SYNPR: variants seen among roughly 807,000 people sequenced by gnomAD.
SYNPR encodes synaptoporin.
In SYNPR, 23 loss-of-function variants were observed where a neutral mutation model predicts 32.9. The ratio of observed to expected loss-of-function variants is 0.70; its 90% CI spans 0.50 to 0.99. The LOEUF (loss-of-function observed/expected upper bound fraction) is 0.99. SYNPR is among the 50% of genes least tolerant of loss of function. The probability of loss-of-function intolerance (pLI) is 0.00; values close to 1 mark genes in which losing one functional copy is unlikely to be tolerated. For synonymous variants in SYNPR, 146 were observed against 135.9 expected (o/e 1.07, Z -0.52); for missense variants, 318 against 349.3 (o/e 0.91, Z 0.71).
intron 3 of SYNPR, among the ~76,000 whole-genome samples, chr3:63,547,175 C>T (rs1001461344): frequency 4.6e-5 from 7 of 152,016 alleles, no homozygotes; most frequent in Non-Finnish European, 1.0e-4. Flanking sequence ...GACCCTTTTT[C>T]TCAATAAAGA....
chr3:63,407,810 AC>A (rs1330236785), intron 2 of SYNPR, among the ~76,000 whole-genome samples: 1 of 152,000 alleles, frequency 6.6e-6, no homozygotes, highest in African/African-American at 2.4e-5. Context: ...CTGTTTTCCC[AC>A]CCAAGTACAG....
chr3:63,539,707 C>T (rs987450804), intron 3 of SYNPR, among the ~76,000 whole-genome samples: 2 of 152,064 alleles, frequency 1.3e-5, no homozygotes, highest in East Asian at 3.9e-4. Flanking sequence ...TTTCAGAAAG[C>T]ACAAGAAAGA....
At chr3:63,573,046 T>C (rs1200685657) in intron 4 of SYNPR, among the ~76,000 whole-genome samples, 1 of 151,944 alleles carries the variant, frequency 6.6e-6, no homozygotes, top group African/African-American at 2.4e-5. Context: ...CCTCAGGGAG[T>C]CAGCAAAGAA....
chr3:63,505,702 T>C (rs1044338424), intron 3 of SYNPR, among the ~76,000 whole-genome samples: 8 of 152,214 alleles, frequency 5.3e-5, no homozygotes, highest in Non-Finnish European at 8.8e-5. Flanking sequence ...ATATACAAGA[T>C]AAATATTTTA....
At chr3:63,425,852 G>A (rs1559496119) in intron 2 of SYNPR, among the ~76,000 whole-genome samples, 3 of 149,860 alleles carry the variant, frequency 2.0e-5, no homozygotes, top group South Asian at 2.1e-4. Context: ...GCACAATCTC[G>A]GCTCACTGCA....
intron 2 of SYNPR, among the ~76,000 whole-genome samples, chr3:63,254,110 T>C (rs2086361858): frequency 6.6e-6 from 1 of 152,108 alleles, no homozygotes; most frequent in East Asian, 1.9e-4. Flanking sequence ...TAGGTGGGAA[T>C]TGAACAATGA....
At chr3:63,220,047 C>G in the SYNPR span, among the ~76,000 whole-genome samples, 1 of 152,208 alleles carries the variant, frequency 6.6e-6, no homozygotes. Flanking sequence ...TTCAACATAG[C>G]ACTTTGTCCA....
intron 4 of SYNPR, among the ~76,000 whole-genome samples, chr3:63,597,367 G>C (rs1473370983): frequency 1.3e-5 from 2 of 152,142 alleles, no homozygotes; most frequent in Non-Finnish European, 2.9e-5. Flanking sequence ...AATAAACAGT[G>C]CTGTATTCTA....
exon 3 of SYNPR, chr3:63,267,323 C>T (rs932911986): frequency 6.6e-6 from 1 of 152,236 alleles, no homozygotes; most frequent in East Asian, 1.9e-4. Context: ...TTAGGTTCTG[C>T]CTTAAAGGGC....
chr3:63,207,483 T>C, the SYNPR span, among the ~76,000 whole-genome samples: 10,037 of 152,286 alleles, frequency 0.066, 398 homozygotes, highest in Middle Eastern at 0.085. Context: ...ACTAACATGA[T>C]TGAACAATTT....
chr3:63,429,298 T>C (rs528683402), intron 2 of SYNPR, among the ~76,000 whole-genome samples: 2 of 152,188 alleles, frequency 1.3e-5, no homozygotes, highest in Non-Finnish European at 2.9e-5. Context: ...GTAGAGCATG[T>C]AGGTGGGTAA....
chr3:63,268,094 A>G (rs2086505696), intron 3 of SYNPR, among the ~76,000 whole-genome samples: 1 of 152,248 alleles, frequency 6.6e-6, no homozygotes, highest in South Asian at 2.1e-4. Flanking sequence ...CAAAATGAGC[A>G]CAGAATTTAA....
intron 4 of SYNPR, among the ~76,000 whole-genome samples, chr3:63,592,413 A>G (rs1575727509): frequency 6.6e-6 from 1 of 152,104 alleles, no homozygotes; most frequent in Non-Finnish European, 1.5e-5. Flanking sequence ...ATCAAACCCA[A>G]TTGCAAAATG....
chr3:63,226,230 G>C (rs192222539), upstream of SYNPR, among the ~76,000 whole-genome samples: 110 of 152,188 alleles, frequency 7.2e-4, no homozygotes, highest in Middle Eastern at 0.014. Context: ...GGAAAAAAGG[G>C]AACTCTTATA....
At chr3:63,540,535 A>G (rs1050766440) in intron 3 of SYNPR, among the ~76,000 whole-genome samples, 11 of 152,062 alleles carry the variant, frequency 7.2e-5, no homozygotes, top group African/African-American at 2.7e-4. Flanking sequence ...GACATGCAGA[A>G]AAAGAAACGA....
At chr3:63,522,899 G>A (rs1038309847) in intron 3 of SYNPR, among the ~76,000 whole-genome samples, 5 of 152,132 alleles carry the variant, frequency 3.3e-5, no homozygotes, top group Non-Finnish European at 7.3e-5. Flanking sequence ...GATGCTCTTG[G>A]AGGGCTCTAG....
intron 2 of SYNPR, among the ~76,000 whole-genome samples, chr3:63,416,601 C>T (rs149296134): frequency 1.7e-4 from 26 of 150,708 alleles, no homozygotes; most frequent in African/African-American, 5.4e-4. Flanking sequence ...TGTATTAGTC[C>T]GTTTTCATGC....
chr3:63,508,628 C>G (rs537727572), intron 3 of SYNPR, among the ~76,000 whole-genome samples: 1 of 152,204 alleles, frequency 6.6e-6, no homozygotes, highest in South Asian at 2.1e-4. Flanking sequence ...TTCAGTTAGA[C>G]GAATCCCAGG....
intron 3 of SYNPR, among the ~76,000 whole-genome samples, chr3:63,527,741 C>A (rs1382877262): frequency 3.3e-5 from 5 of 152,148 alleles, no homozygotes; most frequent in Non-Finnish European, 7.4e-5. Context: ...GCCCAGCAAC[C>A]CCCTGATGGG....
Sources: gnomAD v4.1 joint callset for allele counts (sites outside exome capture counted in the v4.1 genomes callset) on GRCh38, gnomAD v4.1.1 for gene constraint, MANE v1.5 for transcripts, NCBI Gene and HGNC (gene_info 2026-07-23, HGNC 2026-07-21) for gene names.